Variants in TBC1D9 observed in about 807,000 individuals in gnomAD.
TBC1D9 encodes TBC1 domain family member 9, also known as TBC1 domain family member 9A.
Under a neutral mutation model 132.0 loss-of-function variants are expected in TBC1D9, and 63 were observed. That is an observed-to-expected ratio of 0.48 (90% confidence interval 0.39 to 0.59). The LOEUF is 0.59. Among genes scored for constraint, TBC1D9 ranks in the 20% least tolerant of loss-of-function variants. The pLI is 0.00. For missense variants in TBC1D9, 1,261 were observed against 1,592.7 expected (o/e 0.79, Z 3.54); for synonymous variants, 610 against 609.9 (o/e 1.00, Z 0.00).
chr4:140,628,522 A>T (rs1736742743), intron 16 of TBC1D9, among the ~76,000 whole-genome samples, 157 bp from the exon 17 acceptor site: 1 of 152,202 alleles, frequency 6.6e-6, no homozygotes, highest in African/African-American at 2.4e-5. Flanking sequence ...CAGCTCAGGA[A>T]CCAGGATGGT....
intron 13 of TBC1D9, chr4:140,641,953 T>C: frequency 9.5e-6 from 5 of 524,814 alleles, no homozygotes; most frequent in Non-Finnish European, 1.7e-5. Context: ...TTGGAGATAG[T>C]AACCTTAGTC....
chr4:140,686,811 C>T (rs1737788742), intron 2 of TBC1D9, among the ~76,000 whole-genome samples: 1 of 152,116 alleles, frequency 6.6e-6, no homozygotes, highest in Admixed American at 6.6e-5. Context: ...CTAGAATTTG[C>T]ACTTTACAGG....
chr4:140,622,220 T>C lies in TBC1D9; in HGVS notation c.3776A>G (p.Tyr1259Cys), dbSNP rs770618530. 5.7e-6 allele frequency: 9 copies of C among 1,587,138 alleles called. No individual in the cohort carries two copies. The highest frequency in any genetic ancestry group is 1.7e-4 in the Middle Eastern group (1 of 5,736). ...MGKPLTSASD[Y>C]EISAMSG The stretch of plus-strand genomic sequence containing the variant: ...TCAGCCGGACATGGCCGAGATTTCA[T>C]AGTCACTGGCCGAGGTGAGGGGCTT... Residue 1259 changes from tyrosine (Y) to cysteine (C), a missense_variant, in exon 21 of 21, where the codon TAT (tyrosine) becomes TGT (cysteine). By Grantham distance (194) the Tyr-to-Cys change is radical. This residue lies in a region of TBC1D9 where 618 missense variants were observed against 724.4 expected (regional missense o/e 0.85). Transcript: ENST00000442267.
At chr4:140,652,010 G>A (rs1460065999) in intron 13 of TBC1D9, among the ~76,000 whole-genome samples, 1 of 152,100 alleles carries the variant, frequency 6.6e-6, no homozygotes, top group African/African-American at 2.4e-5. Flanking sequence ...AGGCTGAGGT[G>A]GATGGATCAC....
chr4:140,648,385 G>GTTTTTT (rs1243797618), intron 13 of TBC1D9, among the ~76,000 whole-genome samples: 9 of 121,870 alleles, frequency 7.4e-5, no homozygotes, highest in Admixed American at 1.6e-4. Context: ...TTTTGTTGTT[G>GTTTTTT]TTTTTTTTTT....
At chr4:140,657,484 A>G (rs745616978) in intron 12 of TBC1D9, 43 bp downstream of exon 12, 63 of 1,561,830 alleles carry the variant, frequency 4.0e-5, no homozygotes, top group Non-Finnish European at 3.5e-6. Context: ...AGCATGAGGA[A>G]GAAAACCGGA....
rs532587931 is a variant in TBC1D9 at position 140,650,911 on chromosome 4, T to C, written c.2337+6186A>G. ...GAGACATGCTTTTGACACCTGGACA[T>C]TGTAGAAAAGGCACAGTTTCATAGC... On this transcript the variant is annotated intron_variant, in intron 13 of 20. Transcript: ENST00000442267. Among the ~76,000 whole-genome samples the C allele has an allele frequency of 5.3e-5, 8 of 152,296 alleles. No homozygotes were observed. In the East Asian group the frequency reaches 1.2e-3, roughly 22 times the overall value.
chr4:140,720,738 A>C (rs550346003), intron 1 of TBC1D9, among the ~76,000 whole-genome samples: 1 of 152,278 alleles, frequency 6.6e-6, no homozygotes, highest in East Asian at 1.9e-4. Context: ...TCCTTAATGC[A>C]CCCTCTTCCT....
At chr4:140,728,921 C>T (rs528378054) in intron 1 of TBC1D9, among the ~76,000 whole-genome samples, 2 of 152,302 alleles carry the variant, frequency 1.3e-5, no homozygotes, top group Admixed American at 1.3e-4. Flanking sequence ...GACTCAGCCT[C>T]CCAACGTGCT....
chr4:140,701,158 G>A (rs758393591), intron 2 of TBC1D9, among the ~76,000 whole-genome samples: 27 of 152,346 alleles, frequency 1.8e-4, no homozygotes, highest in Middle Eastern at 6.8e-3. Flanking sequence ...GAGTGAAATG[G>A]AAGGTGGAGT....
intron 13 of TBC1D9, among the ~76,000 whole-genome samples, chr4:140,655,845 T>C (rs933709127): frequency 2.6e-5 from 4 of 152,154 alleles, no homozygotes; most frequent in African/African-American, 9.7e-5. Context: ...TCTCAGACTA[T>C]CTACTTCAAA....
intron 1 of TBC1D9, among the ~76,000 whole-genome samples, chr4:140,740,190 G>T (rs1400380400): frequency 6.6e-6 from 1 of 152,154 alleles, no homozygotes; most frequent in East Asian, 1.9e-4. Flanking sequence ...CATACAACAG[G>T]CCTCTTCCAA....
chr4:140,731,723 A>C (rs1206319844), intron 1 of TBC1D9, among the ~76,000 whole-genome samples: 3 of 152,066 alleles, frequency 2.0e-5, no homozygotes, highest in Non-Finnish European at 4.4e-5. Context: ...ACTTCAGTGC[A>C]CTCACTACAA....
chr4:140,698,141 A>G (rs1366972927), intron 2 of TBC1D9, among the ~76,000 whole-genome samples: 1 of 152,130 alleles, frequency 6.6e-6, no homozygotes, highest in Non-Finnish European at 1.5e-5. Context: ...TGCTTTCCCA[A>G]TCAACTACGG....
chr4:140,714,095 C>T (rs1738292092), intron 1 of TBC1D9, among the ~76,000 whole-genome samples: 1 of 152,212 alleles, frequency 6.6e-6, no homozygotes, highest in African/African-American at 2.4e-5. Flanking sequence ...CAACCTTGTG[C>T]AGCCTTTCAC....
chr4:140,668,250 A>G (rs1251820968), intron 9 of TBC1D9, among the ~76,000 whole-genome samples: 1 of 152,218 alleles, frequency 6.6e-6, no homozygotes, highest in Admixed American at 6.5e-5. Context: ...ATCTGATGTG[A>G]CAGAATGATG....
chr4:140,632,010 G>A (rs958743848), intron 16 of TBC1D9, among the ~76,000 whole-genome samples: 1 of 152,148 alleles, frequency 6.6e-6, no homozygotes, highest in Non-Finnish European at 1.5e-5. Flanking sequence ...CCACATCTGA[G>A]AGTTCTCCCA....
At chr4:140,643,430 G>T in intron 13 of TBC1D9, 1 of 958,172 alleles carries the variant, frequency 1.0e-6, no homozygotes. Context: ...CTTCCAGGCC[G>T]GGCAGGAACT....
At position 140,754,495 on chromosome 4, in the gene TBC1D9, G is replaced by A. The variant is rs758463584; in HGVS notation, c.130+1421C>T. ...CCGGGCGGGTTGGTGCATGCCTGTA[G>A]TCCCAGCTACTCAGGAGGCTGAGGC... On this transcript the variant is annotated intron_variant, in intron 1 of 20. Transcript: ENST00000442267. 7.3e-4 allele frequency among the ~76,000 whole-genome samples: 110 copies of A among 151,474 alleles called. 1 individual carries two copies. The highest frequency in any genetic ancestry group is 1.0e-3 in the Non-Finnish European group (68 of 67,864).
Sources: gnomAD v4.1 joint callset for allele counts (sites outside exome capture counted in the v4.1 genomes callset) on GRCh38, gnomAD v4.1.1 for gene constraint, gnomAD v4.1.1 regional missense constraint, MANE v1.5 for transcripts, NCBI Gene and HGNC (gene_info 2026-07-23, HGNC 2026-07-21) for gene names.